The following CNTN5 variants were observed in gnomAD, a reference collection of about 807,000 sequenced individuals.
The protein encoded by CNTN5 is contactin 5.
In CNTN5, 77 loss-of-function variants were observed where a neutral mutation model predicts 129.1. The ratio of observed to expected loss-of-function variants is 0.60; its 90% CI spans 0.50 to 0.72. CNTN5 has a LOEUF of 0.72. CNTN5 is among the 30% of genes least tolerant of loss of function. The pLI is 0.00. For missense variants in CNTN5, 1,478 were observed against 1,328.8 expected (o/e 1.11, Z -1.75); for synonymous variants, 509 against 465.6 (o/e 1.09, Z -1.20).
At chr11:99,043,384 T>G (rs574932043) in intron 1 of CNTN5, among the ~76,000 whole-genome samples, 1 of 148,766 alleles carries the variant, frequency 6.7e-6, no homozygotes, top group South Asian at 2.1e-4. Context: ...TGTATACATA[T>G]GTAACTAACC....
chr11:100,075,245 T>C lies in CNTN5; in HGVS notation c.1580+951T>C, dbSNP rs17094311. 5.8e-3 allele frequency among the ~76,000 whole-genome samples: 885 copies of C among 152,296 alleles called. 18 individuals are homozygous for C. Among genetic ancestry groups the C allele is most frequent in the East Asian group, 0.052 (268 of 5,176 alleles). ...CCATCAAATCTGAGGGACACTGATT[T>C]AAATAGTCTATTTCAGATTAAACAA... On this transcript the variant is annotated intron_variant, in intron 13 of 24. Coordinates refer to ENST00000524871, the MANE Select transcript of CNTN5 (RefSeq NM_014361.4).
chr11:99,450,079 G>A (rs889831732), intron 2 of CNTN5, among the ~76,000 whole-genome samples: 1 of 151,938 alleles, frequency 6.6e-6, no homozygotes, highest in Non-Finnish European at 1.5e-5. Flanking sequence ...TTAATATTAG[G>A]CCAGTTACAA....
At chr11:99,908,799 A>C (rs1338330755) in intron 6 of CNTN5, among the ~76,000 whole-genome samples, 1 of 152,120 alleles carries the variant, frequency 6.6e-6, no homozygotes, top group Non-Finnish European at 1.5e-5. Context: ...AAGCATTTGC[A>C]ATTTACTGTT....
intron 6 of CNTN5, among the ~76,000 whole-genome samples, chr11:99,863,510 A>G (rs573662560): frequency 1.6e-4 from 25 of 152,152 alleles, no homozygotes; most frequent in Non-Finnish European, 2.4e-4. Context: ...GTGAATATAT[A>G]GTAAGAAACC....
intron 21 of CNTN5, chr11:100,309,496 G>A (rs1015297989): frequency 9.3e-6 from 9 of 967,952 alleles, no homozygotes; most frequent in Non-Finnish European, 1.1e-5. Flanking sequence ...ACAATATCAT[G>A]GACTTATTTC....
At chr11:99,520,201 T>C (rs1424955442) in intron 2 of CNTN5, among the ~76,000 whole-genome samples, 1 of 152,160 alleles carries the variant, frequency 6.6e-6, no homozygotes, top group Admixed American at 6.6e-5. Context: ...ATACAGCTAT[T>C]GAAATACTCT....
At chr11:99,534,367 A>C (rs1220972442) in intron 2 of CNTN5, among the ~76,000 whole-genome samples, 2 of 151,866 alleles carry the variant, frequency 1.3e-5, no homozygotes, top group African/African-American at 2.4e-5. Flanking sequence ...GCATGATTTT[A>C]ATGAGATTTT....
At chr11:99,757,354 T>A (rs1341903401) in intron 3 of CNTN5, among the ~76,000 whole-genome samples, 2 of 152,084 alleles carry the variant, frequency 1.3e-5, no homozygotes, top group African/African-American at 4.8e-5. Context: ...AAAGACCTCT[T>A]CCTTCATCTT....
intron 1 of CNTN5, among the ~76,000 whole-genome samples, chr11:99,176,525 T>C (rs542494804): frequency 6.6e-6 from 1 of 152,318 alleles, no homozygotes; most frequent in South Asian, 2.1e-4. Context: ...TATCTCCTCC[T>C]GTTAGACTTC....
chr11:99,673,708 C>T (rs759625213), intron 3 of CNTN5, among the ~76,000 whole-genome samples: 3 of 151,794 alleles, frequency 2.0e-5, no homozygotes, highest in Non-Finnish European at 4.4e-5. Context: ...TTGGTTTTCT[C>T]TTCCTGTGGT....
At chr11:99,737,032 G>A (rs914280960) in intron 3 of CNTN5, among the ~76,000 whole-genome samples, 2 of 151,974 alleles carry the variant, frequency 1.3e-5, no homozygotes, top group Non-Finnish European at 2.9e-5. Context: ...GACTAATAAT[G>A]CCTTCTGTCG....
At chr11:100,287,771 T>C (rs960599309) in intron 18 of CNTN5, among the ~76,000 whole-genome samples, 1 of 152,172 alleles carries the variant, frequency 6.6e-6, no homozygotes, top group Admixed American at 6.5e-5. Flanking sequence ...TAACTTTAGA[T>C]GTAAATGGAC....
intron 13 of CNTN5, among the ~76,000 whole-genome samples, chr11:100,140,142 A>G (rs1946648510): frequency 6.6e-6 from 1 of 152,218 alleles, no homozygotes; most frequent in Non-Finnish European, 1.5e-5. Flanking sequence ...GGTGTGAAAT[A>G]ATTGCCTGAA....
At chr11:100,352,977 T>G (rs1387371661) in intron 24 of CNTN5, among the ~76,000 whole-genome samples, 1 of 151,634 alleles carries the variant, frequency 6.6e-6, no homozygotes, top group African/African-American at 2.4e-5. Flanking sequence ...ATATATTATT[T>G]TATCTTTCTA....
At chr11:99,515,274 GTAGA>G (rs1258906916) in intron 2 of CNTN5, among the ~76,000 whole-genome samples, 2 of 152,084 alleles carry the variant, frequency 1.3e-5, no homozygotes, top group Non-Finnish European at 2.9e-5. Context: ...TTCTTGTAGT[GTAGA>G]TAATTTTTGA....
rs74411674 is a variant in CNTN5 at position 99,823,380 on chromosome 11, A to T, written c.277+3615A>T. 4.3e-3 allele frequency among the ~76,000 whole-genome samples: 662 copies of T among 152,228 alleles called. 3 individuals are homozygous for T. The highest frequency in any genetic ancestry group is 6.8e-3 in the Middle Eastern group (2 of 294). The stretch of plus-strand genomic sequence containing the variant: ...GGTTGGTATTCTTTTCTAGGAAGCC[A>T]GTTCCTACATTCAGCCCAGATTTGT... On this transcript the variant is annotated intron_variant, in intron 4 of 24. Coordinates refer to ENST00000524871, the MANE Select transcript of CNTN5 (RefSeq NM_014361.4).
At chr11:100,231,017 G>A (rs576246234) in intron 16 of CNTN5, among the ~76,000 whole-genome samples, 1 of 152,330 alleles carries the variant, frequency 6.6e-6, no homozygotes, top group East Asian at 1.9e-4. Context: ...TTCTTAGTGT[G>A]TGGGCTTGTA....
intron 1 of CNTN5, among the ~76,000 whole-genome samples, chr11:99,032,652 A>C (rs1352855731): frequency 6.6e-6 from 1 of 151,870 alleles, no homozygotes; most frequent in East Asian, 1.9e-4. Flanking sequence ...AGTTCACTGT[A>C]GATTCTGGAT....
chr11:99,518,864 A>T (rs1316619286), intron 2 of CNTN5, among the ~76,000 whole-genome samples: 2 of 152,010 alleles, frequency 1.3e-5, no homozygotes, highest in Non-Finnish European at 2.9e-5. Flanking sequence ...TTACAATTTT[A>T]TTTCACCTAT....
Sources: allele counts gnomAD v4.1 joint callset (sites outside exome capture counted in the v4.1 genomes callset), GRCh38; gene constraint gnomAD v4.1.1; transcripts MANE v1.5; gene names NCBI Gene and HGNC (gene_info 2026-07-23, HGNC 2026-07-21).